ZNF608: variants seen among roughly 807,000 people sequenced by gnomAD.
ZNF608 encodes zinc finger protein 608, also known as renal carcinoma antigen NY-REN-36.
Under a neutral mutation model 109.0 loss-of-function variants are expected in ZNF608, and 12 were observed. The ratio of observed to expected loss-of-function variants is 0.11; its 90% CI spans 0.07 to 0.18. The LOEUF is 0.18. Ranked by LOEUF, ZNF608 falls within the 10% of genes least tolerant of loss-of-function variation. The pLI, the probability that ZNF608 is intolerant of heterozygous loss-of-function variation, is 1.00. For synonymous variants in ZNF608, 732 were observed against 717.4 expected (o/e 1.02, Z -0.33); for missense variants, 1,707 against 1,879.3 (o/e 0.91, Z 1.70).
At chr5:124,685,849 C>T (rs1399315798) in intron 3 of ZNF608, among the ~76,000 whole-genome samples, 3 of 152,132 alleles carry the variant, frequency 2.0e-5, no homozygotes, top group Admixed American at 2.0e-4. Flanking sequence ...GATTTCTATG[C>T]AAGTCATAGA....
At chr5:124,689,496 G>A (rs1480060699) in intron 3 of ZNF608, among the ~76,000 whole-genome samples, 2 of 148,706 alleles carry the variant, frequency 1.3e-5, no homozygotes, top group Admixed American at 1.3e-4. Flanking sequence ...GACAGAGAGA[G>A]AAAGAACTGA....
chr5:124,731,687 G>T (rs1030660020), intron 2 of ZNF608, among the ~76,000 whole-genome samples: 1 of 152,020 alleles, frequency 6.6e-6, no homozygotes, highest in South Asian at 2.1e-4. Context: ...TTAGCCAGGC[G>T]TGCTGGTGGG....
At chr5:124,715,366 A>G (rs1350656920) in intron 2 of ZNF608, among the ~76,000 whole-genome samples, 1 of 152,160 alleles carries the variant, frequency 6.6e-6, no homozygotes, top group Non-Finnish European at 1.5e-5. Flanking sequence ...TTTATTATTT[A>G]TTTTTACAAA....
At chr5:124,660,542 A>G (rs768583351) in intron 3 of ZNF608, among the ~76,000 whole-genome samples, 1 of 152,162 alleles carries the variant, frequency 6.6e-6, no homozygotes, top group Admixed American at 6.5e-5. Flanking sequence ...AAGAAAGAAT[A>G]AACAGTGGCC....
intron 2 of ZNF608, among the ~76,000 whole-genome samples, chr5:124,712,153 T>TA (rs1365966450): frequency 6.6e-6 from 1 of 151,396 alleles, no homozygotes; most frequent in African/African-American, 2.4e-5. Context: ...TCACAAAACA[T>TA]AAAAAAAGAA....
chr5:124,687,943 A>G (rs1419397221), intron 3 of ZNF608, among the ~76,000 whole-genome samples: 1 of 152,178 alleles, frequency 6.6e-6, no homozygotes, highest in African/African-American at 2.4e-5. Context: ...ATGCCAGGGA[A>G]AACTGCACAC....
intron 3 of ZNF608, among the ~76,000 whole-genome samples, chr5:124,660,136 CA>C (rs1561543035): frequency 6.6e-6 from 1 of 152,034 alleles, no homozygotes; most frequent in African/African-American, 2.4e-5. Flanking sequence ...CAATTTACAA[CA>C]GCAGCCGAAA....
intron 2 of ZNF608, among the ~76,000 whole-genome samples, chr5:124,732,529 G>T (rs1227199369): frequency 4.8e-5 from 7 of 145,970 alleles, no homozygotes; most frequent in Admixed American, 4.1e-4. Flanking sequence ...TAGGAAAGGG[G>T]TTTTTTTGTT....
chr5:124,673,618 T>A (rs951188640), intron 3 of ZNF608, among the ~76,000 whole-genome samples: 2 of 152,124 alleles, frequency 1.3e-5, no homozygotes, highest in African/African-American at 4.8e-5. Context: ...TATCTGAGTA[T>A]GTCCTTAAAA....
At chr5:124,747,575 T>C (rs1580735583), upstream of ZNF608, among the ~76,000 whole-genome samples, 1 of 142,724 alleles carries the variant, frequency 7.0e-6, no homozygotes, top group South Asian at 2.2e-4. Flanking sequence ...ATCTGGTCTT[T>C]AAAAAAAAAA....
At chr5:124,676,287 T>C (rs771843761) in intron 3 of ZNF608, among the ~76,000 whole-genome samples, 11 of 138,682 alleles carry the variant, frequency 7.9e-5, no homozygotes, top group Non-Finnish European at 1.6e-5. Context: ...GAATGCAGCA[T>C]ATGGAAATGA....
intron 3 of ZNF608, among the ~76,000 whole-genome samples, chr5:124,692,245 G>A (rs1752655117): frequency 1.3e-5 from 2 of 152,128 alleles, no homozygotes; most frequent in South Asian, 4.1e-4. Flanking sequence ...CAATTGTCTA[G>A]ACCAAACTTA....
chr5:124,689,280 C>T (rs1006694240), intron 3 of ZNF608, among the ~76,000 whole-genome samples: 1 of 151,996 alleles, frequency 6.6e-6, no homozygotes, highest in African/African-American at 2.4e-5. Flanking sequence ...GACCCTGTCT[C>T]TAAAATAAAT....
chr5:124,718,263 G>C (rs2149875662), intron 2 of ZNF608, among the ~76,000 whole-genome samples: 1 of 152,276 alleles, frequency 6.6e-6, no homozygotes, highest in Admixed American at 6.5e-5. Context: ...TAAATGCCTT[G>C]TTAGGGGAAC....
intron 2 of ZNF608, among the ~76,000 whole-genome samples, chr5:124,729,763 C>T (rs997805685): frequency 6.6e-6 from 1 of 152,130 alleles, no homozygotes; most frequent in Non-Finnish European, 1.5e-5. Context: ...CCAAAGGGTA[C>T]TTTGAAATCT....
At position 124,647,638 on chromosome 5, in the gene ZNF608, T is replaced by C. The variant is rs1750585134; in HGVS notation, c.2746A>G (p.Met916Val). 1.2e-6 allele frequency: 2 copies of C among 1,614,238 alleles called. No homozygotes were observed. Among genetic ancestry groups the C allele is most frequent in the Non-Finnish European group, 1.7e-6 (2 of 1,180,038 alleles). Residue 916 changes from methionine to valine, a missense_variant, in exon 5 of 10, where the codon ATG (methionine) becomes GTG (valine). Physicochemically the swap from Met to Val is conservative, Grantham distance 21 (BLOSUM62 1). Coordinates refer to ENST00000513986, the MANE Select transcript of ZNF608 (RefSeq NM_020747.3). ...CSTLVNGQAP[M>V]APLHVLTQNG... is the part of the protein sequence containing the mutation. ...TGGGTCAACACATGCAGAGGTGCCATTGGTGCCTGCCCGTTCACCAAAGTG... is the reference window on the plus strand; with the variant it reads ...TGGGTCAACACATGCAGAGGTGCCACTGGTGCCTGCCCGTTCACCAAAGTG...
chr5:124,688,771 A>G (rs1029434092), intron 3 of ZNF608, among the ~76,000 whole-genome samples: 1 of 152,250 alleles, frequency 6.6e-6, no homozygotes, highest in Non-Finnish European at 1.5e-5. Context: ...TGGAATTTAA[A>G]TTAAATTAAT....
At chr5:124,708,824 G>A in intron 2 of ZNF608, 1 of 448,448 alleles carries the variant, frequency 2.2e-6, no homozygotes, top group Non-Finnish European at 4.4e-6. Flanking sequence ...GTGGGGCCAA[G>A]ACGGATGCTT....
chr5:124,717,612 A>G lies in ZNF608; in HGVS notation c.907-16343T>C, dbSNP rs915999820. Among the ~76,000 whole-genome samples, 18 of 152,252 alleles carry G rather than the reference A, an allele frequency of 1.2e-4. 1 individual carries two copies. The highest frequency in any genetic ancestry group is 9.8e-4 in the Admixed American group (15 of 15,292). On this transcript the variant is annotated intron_variant, in intron 2 of 9. Coordinates refer to ENST00000513986, the MANE Select transcript of ZNF608 (RefSeq NM_020747.3). ...AAAAAGGCTTTTTTGAGGCTCTGAA[A>G]CAATACAGTCCAAGGACATGCAAAA...
Sources: gnomAD v4.1 joint callset for allele counts (sites outside exome capture counted in the v4.1 genomes callset) on GRCh38, gnomAD v4.1.1 for gene constraint, MANE v1.5 for transcripts, NCBI Gene and HGNC (gene_info 2026-07-23, HGNC 2026-07-21) for gene names.